The following ELFN1 variants were observed in gnomAD, a reference collection of about 807,000 sequenced individuals.
ELFN1 encodes the protein extracellular leucine rich repeat and fibronectin type III domain containing 1.
A neutral mutation model predicts 7.6 loss-of-function variants in ELFN1; 6 were observed. The ratio of observed to expected loss-of-function variants is 0.79; its 90% CI spans 0.43 to 1.56. The LOEUF (loss-of-function observed/expected upper bound fraction) is 1.56. Among genes scored for constraint, ELFN1 ranks in the 40% most tolerant of loss-of-function variants. ELFN1 has a pLI of 0.01. For synonymous variants in ELFN1, 657 were observed against 588.1 expected, an observed-to-expected ratio of 1.12 and a Z score of -1.70; for missense variants, 1,169 against 1,232.2, an observed-to-expected ratio of 0.95 and a Z score of 0.77.
Position 1,695,775 on chromosome 7 carries a change from G to C in ELFN1, c.-456+7625G>C, listed in dbSNP as rs778833481. On this transcript the variant is annotated intron_variant, in intron 2 of 3. Coordinates refer to ENST00000424383, the MANE Select transcript of ELFN1 (RefSeq NM_001128636.4). This position sits in a 1 kb window ranked among gnomAD's most constrained non-coding sequence, Gnocchi z 5.1. ...AAAAAAAAAAAAAAAAAAAAAAACCGTGCTGGTTTGGTTTCACTGACTCCC... is the reference window on the plus strand; with the variant it reads ...AAAAAAAAAAAAAAAAAAAAAAACCCTGCTGGTTTGGTTTCACTGACTCCC... Among the ~76,000 whole-genome samples, 1 of 134,518 alleles carries C rather than the reference G, an allele frequency of 7.4e-6. No homozygotes were observed. Among genetic ancestry groups the C allele is most frequent in the Admixed American group, 7.5e-5 (1 of 13,416 alleles). The allele number at this position is 134,518 out of a possible 152,430, so 88.2% of individuals were successfully genotyped here. A position where few individuals can be genotyped will look rare whatever the true frequency, so the allele number is the denominator to read the frequency against.
intron 3 of ELFN1, among the ~76,000 whole-genome samples, chr7:1,719,376 G>GCCACCAACAGGGCCTCGC (rs1482802144): frequency 7.9e-6 from 1 of 127,150 alleles, no homozygotes; most frequent in African/African-American, 3.2e-5. Context: ...CAGGACCCAA[G>GCCACCAACAGGGCCTCGC]CCACCAACAG....
At chr7:1,697,644 C>T (rs768592774) in intron 2 of ELFN1, among the ~76,000 whole-genome samples, 2 of 151,914 alleles carry the variant, frequency 1.3e-5, no homozygotes, top group Non-Finnish European at 2.9e-5. Flanking sequence ...GATCTGAGAC[C>T]CTTCTCTAGG....
rs2128607299 is a variant in ELFN1, at chr7:1,746,641, CTG to C, written c.2048_2049del (p.Val683AspfsTer306). On this transcript the variant is annotated frameshift_variant, in exon 4 of 4. Transcript: ENST00000424383. LOFTEE classifies it low-confidence loss of function (END_TRUNC). The stretch of plus-strand genomic sequence containing the variant: ...TCCCCCGCGGCCGACGCCATCCTCA[CTG>C]TGACACCCGCGGCCGCCGTGCTGCG... 7.4e-7 allele frequency: 1 copy of C among 1,357,226 alleles called. No homozygotes were observed. Among genetic ancestry groups the C allele is most frequent in the South Asian group, 1.7e-5 (1 of 59,788 alleles). The allele number at this position is 1,357,226 out of a possible 1,614,324, so 84.1% of individuals were successfully genotyped here.
chr7:1,725,360 G>C (rs1392347168), intron 3 of ELFN1, among the ~76,000 whole-genome samples: 1 of 152,314 alleles, frequency 6.6e-6, no homozygotes, highest in East Asian at 1.9e-4. Flanking sequence ...AGAGGAGACA[G>C]TGGGACGGGA....
At chr7:1,682,632 G>GT (rs1478164989) in intron 1 of ELFN1, among the ~76,000 whole-genome samples, 1 of 144,780 alleles carries the variant, frequency 6.9e-6, no homozygotes, top group Non-Finnish European at 1.5e-5. Flanking sequence ...TTTTTGTAGA[G>GT]ACAAGGTTTT....
At chr7:1,668,808 A>C (rs1778709838), upstream of ELFN1, among the ~76,000 whole-genome samples, 1 of 152,220 alleles carries the variant, frequency 6.6e-6, no homozygotes, top group South Asian at 2.1e-4. Context: ...AGAGGGAGAA[A>C]GGCCACAGCT....
At chr7:1,731,906 TC>T (rs1253587825) in intron 3 of ELFN1, among the ~76,000 whole-genome samples, 1 of 152,234 alleles carries the variant, frequency 6.6e-6, no homozygotes, top group Non-Finnish European at 1.5e-5. Flanking sequence ...CGCCTCGGCC[TC>T]CCAAAGTGCT....
intron 1 of ELFN1, among the ~76,000 whole-genome samples, chr7:1,672,385 C>A (rs1778784106): frequency 6.6e-6 from 1 of 152,210 alleles, no homozygotes; most frequent in Non-Finnish European, 1.5e-5. Context: ...CCACGGTCCC[C>A]ACCAAGAAAC....
At chr7:1,706,779 C>T (rs1475843265) in intron 2 of ELFN1, among the ~76,000 whole-genome samples, 1 of 152,232 alleles carries the variant, frequency 6.6e-6, no homozygotes, top group East Asian at 1.9e-4. Flanking sequence ...GATGAGTGGG[C>T]CCCTGCACCC....
At chr7:1,715,320 G>A (rs1562372659) in intron 3 of ELFN1, among the ~76,000 whole-genome samples, 1 of 152,136 alleles carries the variant, frequency 6.6e-6, no homozygotes, top group African/African-American at 2.4e-5. Context: ...GCCCACTGTG[G>A]GGCATCCCCC....
chr7:1,695,836 T>A lies in ELFN1; in HGVS notation c.-456+7686T>A, dbSNP rs114643733. Among the ~76,000 whole-genome samples the A allele has an allele frequency of 0.018, 2,808 of 151,906 alleles. 96 individuals carry two copies. Among genetic ancestry groups the A allele is most frequent in the African/African-American group, 0.065 (2,668 of 41,334 alleles). ...TCACAAACATTTACTCAGCAAATCTTGTTGGGCCCGCCAGGCCCTAGGGTT... is the reference window on the plus strand; with the variant it reads ...TCACAAACATTTACTCAGCAAATCTAGTTGGGCCCGCCAGGCCCTAGGGTT... On this transcript the variant is annotated intron_variant, in intron 2 of 3. Transcript: ENST00000424383. The surrounding 1 kb of genome is among the most constrained non-coding windows in gnomAD (Gnocchi z 5.1).
chr7:1,740,430 C>T lies in ELFN1; in HGVS notation c.-293-3874C>T, dbSNP rs1055230368. Among the ~76,000 whole-genome samples the T allele has an allele frequency of 1.3e-5, 2 of 152,364 alleles. No individual in the cohort carries two copies. The highest frequency in any genetic ancestry group is 6.5e-5 in the Admixed American group (1 of 15,308). On this transcript the variant is annotated intron_variant, in intron 3 of 3. Coordinates refer to ENST00000424383, the MANE Select transcript of ELFN1 (RefSeq NM_001128636.4). This position sits in a 1 kb window ranked among gnomAD's most constrained non-coding sequence, Gnocchi z 5.0. The stretch of plus-strand genomic sequence containing the variant: ...CACCTGCCCTCCGTGCCAGACAGCA[C>T]TCCTTTCTAGAAATGTTGTTTAATG...
chr7:1,731,495 C>T (rs1169813368), intron 3 of ELFN1, among the ~76,000 whole-genome samples: 1 of 152,118 alleles, frequency 6.6e-6, no homozygotes, highest in Non-Finnish European at 1.5e-5. Context: ...ACACAGAGGC[C>T]TCATGAGAGG....
In ELFN1 at chr7:1,702,921, G is replaced by T. The variant is rs551501188; in HGVS notation, c.-455-6170G>T. On this transcript the variant is annotated intron_variant, in intron 2 of 3. Coordinates refer to ENST00000424383, the MANE Select transcript of ELFN1 (RefSeq NM_001128636.4). ...GATTGCAAAAAGTTTTAGCTGCACCGTGGTGTGATATGCTGTAAGTTATGC... is the reference window on the plus strand; with the variant it reads ...GATTGCAAAAAGTTTTAGCTGCACCTTGGTGTGATATGCTGTAAGTTATGC... 2.1e-5 allele frequency among the ~76,000 whole-genome samples: 3 copies of T among 145,786 alleles called. 1 individual carries two copies. Among genetic ancestry groups the T allele is most frequent in the African/African-American group, 8.5e-5 (3 of 35,430 alleles).
At chr7:1,679,172 T>C (rs912020572) in intron 1 of ELFN1, among the ~76,000 whole-genome samples, 1 of 144,802 alleles carries the variant, frequency 6.9e-6, no homozygotes, top group African/African-American at 2.9e-5. Context: ...TGCACACACG[T>C]ACGCGCGCAC....
In ELFN1 at chr7:1,675,650, G is replaced by T. The variant is rs377567224; in HGVS notation, c.-549+5296G>T. 2.0e-4 allele frequency among the ~76,000 whole-genome samples: 31 copies of T among 152,342 alleles called. No homozygotes were observed. The East Asian group carries it at 2.5e-3, about 12-fold the overall frequency. Reference sequence around the variant, plus strand: ...GAGGAGCGGGGTCTGGAAATGGGGGGGCCGTCGGGGGGCTCCCCAGACCCT... The same window carrying T: ...GAGGAGCGGGGTCTGGAAATGGGGGTGCCGTCGGGGGGCTCCCCAGACCCT... On this transcript the variant is annotated intron_variant, in intron 1 of 3. Transcript: ENST00000424383.
At chr7:1,668,975 C>A (rs74723303), upstream of ELFN1, among the ~76,000 whole-genome samples, 3,737 of 152,302 alleles carry the variant, frequency 0.025, 382 homozygotes, top group East Asian at 0.35. Flanking sequence ...ATCACGGGAG[C>A]CCCACCCAGC....
Position 1,747,328 on chromosome 7 carries a change from A to ACC in ELFN1, c.*246_*247insCC. The ACC allele has an allele frequency of 1.2e-5, 3 of 247,862 alleles. No individual in the cohort carries two copies. Among genetic ancestry groups the ACC allele is most frequent in the Non-Finnish European group, 2.3e-5 (3 of 131,540 alleles). 15.4% of individuals were successfully genotyped at this position (247,862 alleles called of 1,614,324 possible). A position where few individuals can be genotyped will look rare whatever the true frequency, so the allele number is the denominator to read the frequency against. On this transcript the variant is annotated 3_prime_UTR_variant, in exon 4 of 4. Coordinates refer to ENST00000424383, the MANE Select transcript of ELFN1 (RefSeq NM_001128636.4). The stretch of plus-strand genomic sequence containing the variant: ...CACACACACACACACACACACACAC[A>ACC]CACACACGAGGGACTTCGGAAAACT...
chr7:1,711,273 G>A (rs1260041825), intron 3 of ELFN1, among the ~76,000 whole-genome samples: 3 of 152,182 alleles, frequency 2.0e-5, no homozygotes, highest in Admixed American at 6.5e-5. Context: ...TTCCATGTGG[G>A]TCTGTCGGTT....
Sources: allele counts gnomAD v4.1 joint callset (sites outside exome capture counted in the v4.1 genomes callset), GRCh38; gene constraint gnomAD v4.1.1; non-coding constraint Gnocchi (gnomAD v3.1); transcripts MANE v1.5; gene names NCBI Gene and HGNC (gene_info 2026-07-23, HGNC 2026-07-21).